The following ADGRE2 variants were observed in gnomAD, a reference collection of about 807,000 sequenced individuals.
ADGRE2 encodes adhesion G protein-coupled receptor E2, also known as CD97 antigen.
ADGRE2 carries 83 observed loss-of-function variants against 100.8 expected under a neutral mutation model. The ratio of observed to expected loss-of-function variants is 0.82; its 90% confidence interval spans 0.69 to 0.99. The LOEUF is 0.99. Ranked by LOEUF, ADGRE2 falls within the 50% of genes least tolerant of loss-of-function variation. ADGRE2 has a pLI of 0.00. For missense variants in ADGRE2, 814 were observed against 1,035.7 expected (o/e 0.79, Z 2.94); for synonymous variants, 355 against 413.0 (o/e 0.86, Z 1.70).
intron 11 of ADGRE2, among the ~76,000 whole-genome samples, chr19:14,759,503 A>ATATATATATATATATATATAT (rs60789454): frequency 3.0e-5 from 4 of 133,372 alleles, no homozygotes; most frequent in East Asian, 2.2e-4. Flanking sequence ...ATATATATAT[A>ATATATATATATATATATATAT]TTTTTTTTTT....
intron 5 of ADGRE2, among the ~76,000 whole-genome samples, chr19:14,770,669 C>CTTTTTTTTTTTT (rs775214778): frequency 3.5e-5 from 3 of 85,012 alleles, no homozygotes; most frequent in African/African-American, 1.4e-4. Flanking sequence ...TCTTTCTTTT[C>CTTTTTTTTTTTT]TTTTTTTTTT....
intron 1 of ADGRE2, among the ~76,000 whole-genome samples, chr19:14,777,369 C>T (rs1387548641): frequency 6.6e-6 from 1 of 152,242 alleles, no homozygotes; most frequent in Non-Finnish European, 1.5e-5. Context: ...GAGGCTCACG[C>T]CTGTGATCCC....
intron 1 of ADGRE2, among the ~76,000 whole-genome samples, chr19:14,777,504 A>T (rs1599899641): frequency 7.0e-6 from 1 of 141,992 alleles, no homozygotes; most frequent in African/African-American, 2.6e-5. Flanking sequence ...AATTAATTAA[A>T]TTTTTTAGAC....
Position 14,743,630 on chromosome 19 carries a change from G to A in ADGRE2, c.2338C>T (p.Leu780Phe), listed in dbSNP as rs914175287. 2 of 1,614,186 alleles carry A rather than the reference G, an allele frequency of 1.2e-6. No homozygotes were observed. Among genetic ancestry groups the A allele is most frequent in the African/African-American group, 2.7e-5 (2 of 75,052 alleles). The change falls in exon 19 of 21, where the codon CTC becomes TTC. Residue 780 changes from leucine to phenylalanine, a missense_variant. Leu to Phe is a conservative substitution (Grantham distance 22). Around this residue, in one of 5 missense-constraint regions of ADGRE2, gnomAD observed 569 missense variants for 692.7 expected, o/e 0.82. Coordinates refer to ENST00000315576, the MANE Select transcript of ADGRE2 (RefSeq NM_013447.4). ...GGCAGTGGTACCTGCTGGCTGAGGA[G>A]GCAGTACACCAGGAAGATGAAGACA... is the stretch of plus-strand genomic sequence containing the variant. Reference protein sequence around the residue: ...QGVFIFLVYCLLSQQVREQYG... With the variant: ...QGVFIFLVYCFLSQQVREQYG...
chr19:14,728,865 G>A (rs1004688388), downstream of ADGRE2, among the ~76,000 whole-genome samples: 1 of 152,168 alleles, frequency 6.6e-6, no homozygotes, highest in Non-Finnish European at 1.5e-5. Context: ...AGGCCAGGGG[G>A]GTTTTATATC....
At chr19:14,751,094 C>G (rs1324671837) in intron 16 of ADGRE2, among the ~76,000 whole-genome samples, 1 of 152,026 alleles carries the variant, frequency 6.6e-6, no homozygotes, top group Non-Finnish European at 1.5e-5. Context: ...ATTCCAGGTG[C>G]GAGCCACTGA....
In ADGRE2 at chr19:14,752,519, TCCTCCTCCTGGGAC is replaced by T. The variant is rs1177010795; in HGVS notation, c.1591-7_1597del. ...GTAGGTGATGACAGTCAGCACGGGA[TCCTCCTCCTGGGAC>T]CCGGAAAAGAAGAGTTCACAGTGAT... On this transcript the variant is annotated splice_acceptor_variant and splice_polypyrimidine_tract_variant and coding_sequence_variant and intron_variant, in exon 15 of 21. Coordinates refer to ENST00000315576, the MANE Select transcript of ADGRE2 (RefSeq NM_013447.4). LOFTEE classifies it high-confidence loss of function. The T allele has an allele frequency of 1.9e-6, 3 of 1,614,086 alleles. No homozygotes were observed. The highest frequency in any genetic ancestry group is 2.5e-6 in the Non-Finnish European group (3 of 1,180,000).
At chr19:14,775,510 TG>T (rs1221520251) in intron 2 of ADGRE2, among the ~76,000 whole-genome samples, 1 of 151,842 alleles carries the variant, frequency 6.6e-6, no homozygotes, top group Non-Finnish European at 1.5e-5. Flanking sequence ...TCTTCTGACT[TG>T]GGGGCTGTCT....
Position 14,759,875 on chromosome 19 carries a change from G to A in ADGRE2, c.1085-3530C>T, listed in dbSNP as rs543986187. On this transcript the variant is annotated intron_variant, in intron 11 of 20. Coordinates refer to ENST00000315576, the MANE Select transcript of ADGRE2 (RefSeq NM_013447.4). ...ACTCTGTCACCCAGGCTGGAGTGCA[G>A]TGGCACCATCTTGGCTCACTGCAAG... 3.7e-3 allele frequency among the ~76,000 whole-genome samples: 534 copies of A among 143,404 alleles called. 5 individuals carry two copies. Among genetic ancestry groups the A allele is most frequent in the African/African-American group, 0.013 (509 of 37,728 alleles). 94.1% of individuals were successfully genotyped at this position (143,404 alleles called of 152,430 possible). A position where few individuals can be genotyped will look rare whatever the true frequency, so the allele number is the denominator to read the frequency against.
intron 11 of ADGRE2, among the ~76,000 whole-genome samples, chr19:14,762,462 A>G (rs983099298): frequency 2.6e-5 from 4 of 152,022 alleles, no homozygotes; most frequent in Non-Finnish European, 5.9e-5. Flanking sequence ...AAAGCAGATT[A>G]GCGGCTGCCA....
At chr19:14,761,141 C>T (rs1290155284) in intron 11 of ADGRE2, among the ~76,000 whole-genome samples, 2 of 152,236 alleles carry the variant, frequency 1.3e-5, no homozygotes, top group Non-Finnish European at 2.9e-5. Context: ...TGGTGTCTCA[C>T]GCCTGTAATC....
chr19:14,747,879 A>G (rs966085952), intron 16 of ADGRE2, among the ~76,000 whole-genome samples: 1 of 152,132 alleles, frequency 6.6e-6, no homozygotes, highest in Non-Finnish European at 1.5e-5. Context: ...CATTGTGGAT[A>G]TATTACGTTT....
At chr19:14,754,319 A>C (rs73515971) in intron 14 of ADGRE2, among the ~76,000 whole-genome samples, 2,120 of 147,840 alleles carry the variant, frequency 0.014, 53 homozygotes, top group African/African-American at 0.049. Context: ...ATCTCTCTCT[A>C]TATATCTCTA....
chr19:14,775,106 G>A (rs772963949), intron 2 of ADGRE2, among the ~76,000 whole-genome samples: 156 of 151,344 alleles, frequency 1.0e-3, no homozygotes, highest in Non-Finnish European at 1.8e-3. Context: ...GGGTTCAAGC[G>A]GTTCTCCTGC....
intron 11 of ADGRE2, among the ~76,000 whole-genome samples, chr19:14,759,680 A>T (rs574063322): frequency 7.4e-4 from 112 of 151,630 alleles, no homozygotes; most frequent in African/African-American, 2.5e-3. Context: ...TATTTTTAAT[A>T]GCCAGGGTTT....
In ADGRE2 at chr19:14,743,794, G is replaced by A. The variant is rs771752619; in HGVS notation, c.2184-10C>T. The A allele has an allele frequency of 5.6e-6, 9 of 1,613,266 alleles. No homozygotes were observed. The South Asian group carries it at 7.7e-5, about 14-fold the overall frequency. ...TTTAAATGCCAGCATCCTGGATTGA[G>A]TAAGAAAGGAGGCTGGTGATGCACC... On this transcript the variant is annotated splice_polypyrimidine_tract_variant and intron_variant, in intron 18 of 20. Coordinates refer to ENST00000315576, the MANE Select transcript of ADGRE2 (RefSeq NM_013447.4).
chr19:14,736,268 A>T, intron 20 of ADGRE2, 24 bp from the exon 21 acceptor site: 1 of 1,480,246 alleles, frequency 6.8e-7, no homozygotes, highest in South Asian at 1.2e-5. Flanking sequence ...ATATGTATGT[A>T]TTTTGTTGTT....
chr19:14,767,202 G>A, intron 5 of ADGRE2, 93 bp from the exon 6 acceptor site: 2 of 1,564,568 alleles, frequency 1.3e-6, no homozygotes, highest in Non-Finnish European at 1.7e-6. Flanking sequence ...GGAAGCATCT[G>A]GAAGGCACCA....
chr19:14,777,152 C>T (rs893694329), intron 1 of ADGRE2: 1 of 963,922 alleles, frequency 1.0e-6, no homozygotes, highest in African/African-American at 1.8e-5. Flanking sequence ...GGTGTGGCAG[C>T]CGGGCGGGGC....
Sources: allele counts gnomAD v4.1 joint callset (sites outside exome capture counted in the v4.1 genomes callset), GRCh38; gene constraint gnomAD v4.1.1; regional missense constraint gnomAD v4.1.1; transcripts MANE v1.5; gene names NCBI Gene and HGNC (gene_info 2026-07-23, HGNC 2026-07-21).